Variants in KIAA1671 observed in about 807,000 individuals in gnomAD.
KIAA1671 encodes KIAA1671, also known as uncharacterized protein KIAA1671.
A neutral mutation model predicts 131.2 loss-of-function variants in KIAA1671; 52 were observed. The ratio of observed to expected loss-of-function variants is 0.40; its 90% CI spans 0.32 to 0.50. The LOEUF is 0.50. Among genes scored for constraint, KIAA1671 ranks in the 20% least tolerant of loss-of-function variants. The probability of loss-of-function intolerance (pLI) is 0.73; values close to 1 mark genes in which losing one functional copy is unlikely to be tolerated. For synonymous variants in KIAA1671, 1,003 were observed against 961.6 expected (o/e 1.04, Z -0.80); for missense variants, 2,360 against 2,364.2 (o/e 1.00, Z 0.04).
chr22:24,954,873 C>T (rs1443838111), intron 1 of KIAA1671, among the ~76,000 whole-genome samples: 5 of 152,120 alleles, frequency 3.3e-5, no homozygotes, highest in South Asian at 2.1e-4. Flanking sequence ...CTCTGCCTCC[C>T]GGGTTCAAGC....
chr22:25,137,094 A>C (rs1021548067), intron 6 of KIAA1671, among the ~76,000 whole-genome samples: 8 of 152,200 alleles, frequency 5.3e-5, no homozygotes, highest in African/African-American at 1.9e-4. Flanking sequence ...TGCTAACTCT[A>C]AATGACTGGG....
intron 1 of KIAA1671, among the ~76,000 whole-genome samples, chr22:25,017,879 C>T (rs1300011075): frequency 1.3e-5 from 2 of 152,144 alleles, no homozygotes; most frequent in African/African-American, 4.8e-5. Flanking sequence ...CATCAGGGCA[C>T]CTCCCATTTT....
intron 6 of KIAA1671, among the ~76,000 whole-genome samples, chr22:25,088,879 C>CAG (rs747347474): frequency 6.9e-6 from 1 of 145,854 alleles, no homozygotes; most frequent in Admixed American, 6.9e-5. Context: ...TACATATGTA[C>CAG]ACACACACAC....
At chr22:25,044,661 T>C (rs1927126486) in intron 5 of KIAA1671, among the ~76,000 whole-genome samples, 1 of 151,718 alleles carries the variant, frequency 6.6e-6, no homozygotes, top group Non-Finnish European at 1.5e-5. Flanking sequence ...AACACACCAA[T>C]ACAGAAGGAA....
Position 25,028,920 on chromosome 22 carries a change from A to T in KIAA1671, c.921A>T (p.Gly307=). The T allele has an allele frequency of 6.4e-7, 1 of 1,551,640 alleles. No individual in the cohort carries two copies. The highest frequency in any genetic ancestry group is 8.7e-7 in the Non-Finnish European group (1 of 1,146,992). ...LLRKVADEGS[G]PTAGDMAGLE... ...GGAAGGTGGCCGATGAAGGAAGTGG[A>T]CCCACAGCAGGGGATATGGCTGGGC... The change falls in exon 3 of 13, where the codon GGA becomes GGT. Residue 307 remains glycine, a synonymous_variant. Coordinates refer to ENST00000358431, the MANE Select transcript of KIAA1671 (RefSeq NM_001145206.2).
rs1451506976 is a variant in KIAA1671 at position 25,040,818 on chromosome 22, A to G, written c.3688A>G (p.Ser1230Gly). 3.9e-6 allele frequency: 6 copies of G among 1,551,570 alleles called. No homozygotes were observed. The highest frequency in any genetic ancestry group is 3.9e-5 in the Admixed American group (2 of 50,986). ...QERRSPTVEPSTLPRERPVQL... is the reference protein window; with the variant it reads ...QERRSPTVEPGTLPRERPVQL... ...GAGGAGGAGTCCCACCGTGGAGCCCAGTACGTTGCCTCGGGAGAGGCCTGT... is the reference window on the plus strand; with the variant it reads ...GAGGAGGAGTCCCACCGTGGAGCCCGGTACGTTGCCTCGGGAGAGGCCTGT... Residue 1230 changes from serine (S) to glycine (G), a missense_variant, in exon 5 of 13, where the codon AGT (serine) becomes GGT (glycine). Around this residue, in one of 3 missense-constraint regions of KIAA1671, gnomAD observed 1,161 missense variants for 1,204.7 expected, o/e 0.96. Coordinates refer to ENST00000358431, the MANE Select transcript of KIAA1671 (RefSeq NM_001145206.2).
At chr22:25,083,829 G>GC (rs1485627936) in intron 6 of KIAA1671, among the ~76,000 whole-genome samples, 5 of 152,218 alleles carry the variant, frequency 3.3e-5, no homozygotes, top group Non-Finnish European at 7.3e-5. Context: ...CAGACCCCCT[G>GC]CTGCCCCAGC....
At chr22:25,021,563 C>T (rs968554244) in intron 1 of KIAA1671, among the ~76,000 whole-genome samples, 8 of 150,598 alleles carry the variant, frequency 5.3e-5, no homozygotes, top group East Asian at 3.9e-4. Context: ...GTGTCCCTAG[C>T]GCCTGGCCCA....
chr22:25,112,358 C>G (rs1435722270), intron 6 of KIAA1671: 1 of 399,012 alleles, frequency 2.5e-6, no homozygotes, highest in African/African-American at 2.1e-5. Context: ...CTTCCGACAC[C>G]TGGCTTCCCG....
At position 25,137,373 on chromosome 22, in the gene KIAA1671, G is replaced by A. The variant is rs543471202; in HGVS notation, c.4531-33447G>A. Among the ~76,000 whole-genome samples the A allele has an allele frequency of 2.0e-5, 3 of 152,248 alleles. No individual in the cohort carries two copies. The South Asian group carries it at 6.2e-4, about 32-fold the overall frequency. On this transcript the variant is annotated intron_variant, in intron 6 of 12. Coordinates refer to ENST00000358431, the MANE Select transcript of KIAA1671 (RefSeq NM_001145206.2). ...CCCGAATTCTCTTCCTATGTTACCA[G>A]GCCTGTGGTAACACCTCTCTGTAAA...
At chr22:25,021,669 A>G (rs1925675592) in intron 1 of KIAA1671, among the ~76,000 whole-genome samples, 1 of 152,124 alleles carries the variant, frequency 6.6e-6, no homozygotes, top group South Asian at 2.1e-4. Flanking sequence ...GAGGATGCAC[A>G]TACTCCAGTG....
intron 6 of KIAA1671, among the ~76,000 whole-genome samples, chr22:25,068,787 C>G (rs1424951075): frequency 7.2e-5 from 11 of 152,118 alleles, no homozygotes; most frequent in Non-Finnish European, 1.6e-4. Flanking sequence ...GCCTGGTGTC[C>G]AGTGGTGAGG....
At chr22:25,024,184 A>T (rs1396954236) in intron 1 of KIAA1671, 6 of 152,246 alleles carry the variant, frequency 3.9e-5, no homozygotes, top group Non-Finnish European at 7.3e-5. Context: ...TTTTACTTCC[A>T]TGCAGTATAG....
chr22:25,141,600 A>G (rs1932808399), intron 6 of KIAA1671, among the ~76,000 whole-genome samples: 1 of 152,132 alleles, frequency 6.6e-6, no homozygotes, highest in Admixed American at 6.5e-5. Context: ...TATATTTTAT[A>G]GTGAAAAATG....
intron 6 of KIAA1671, among the ~76,000 whole-genome samples, chr22:25,141,762 G>A (rs895272682): frequency 2.0e-4 from 30 of 152,182 alleles, no homozygotes; most frequent in African/African-American, 7.0e-4. Flanking sequence ...ATGCATCACG[G>A]GATTTTCCTT....
chr22:25,062,607 C>T lies in KIAA1671; in HGVS notation c.4530+13243C>T, dbSNP rs1216868494. On this transcript the variant is annotated intron_variant, in intron 6 of 12. Coordinates refer to ENST00000358431, the MANE Select transcript of KIAA1671 (RefSeq NM_001145206.2). ...TTCACGCAGCACGGCATTTTTTTTA[C>T]GCATCTGCGTTGGTTGTATCAGGAC... The T allele has an allele frequency of 2.6e-5, 4 of 152,340 alleles. No homozygotes were observed. In the East Asian group the frequency reaches 5.8e-4, roughly 22 times the overall value. The allele number at this position is 152,340 out of a possible 1,614,324, so 9.4% of individuals were successfully genotyped here. A position where few individuals can be genotyped will look rare whatever the true frequency, so the allele number is the denominator to read the frequency against.
intron 6 of KIAA1671, among the ~76,000 whole-genome samples, chr22:25,093,840 C>CTCTCTG (rs1568951629): frequency 1.8e-5 from 1 of 57,088 alleles, no homozygotes; most frequent in Admixed American, 2.5e-4. Context: ...CTCTGTCTGT[C>CTCTCTG]TCTCTCTCTC....
chr22:25,040,853 C>T lies in KIAA1671; in HGVS notation c.3723C>T (p.Gly1241=), dbSNP rs376761709. 8.4e-6 allele frequency: 13 copies of T among 1,547,548 alleles called. No individual in the cohort carries two copies. In the East Asian group the frequency reaches 1.5e-4, roughly 17 times the overall value. Reference sequence around the variant, plus strand: ...CTCGGGAGAGGCCTGTTCAGCTGGGCGGGGTGGAGCAGAGAAGGAGGAGCC... The same window carrying T: ...CTCGGGAGAGGCCTGTTCAGCTGGGTGGGGTGGAGCAGAGAAGGAGGAGCC... ...TLPRERPVQL[G]GVEQRRRSLK... Residue 1241 remains glycine, a synonymous_variant, in exon 5 of 13, where the codon GGC becomes GGT. Coordinates refer to ENST00000358431, the MANE Select transcript of KIAA1671 (RefSeq NM_001145206.2).
At chr22:25,158,653 G>A (rs1933326373) in intron 6 of KIAA1671, among the ~76,000 whole-genome samples, 1 of 152,134 alleles carries the variant, frequency 6.6e-6, no homozygotes, top group Non-Finnish European at 1.5e-5. Flanking sequence ...GTGGGCGTTG[G>A]TAGAGTGGGG....
Sources: gnomAD v4.1 joint callset for allele counts (sites outside exome capture counted in the v4.1 genomes callset) on GRCh38, gnomAD v4.1.1 for gene constraint, gnomAD v4.1.1 regional missense constraint, MANE v1.5 for transcripts, NCBI Gene and HGNC (gene_info 2026-07-23, HGNC 2026-07-21) for gene names.